The following TIAM1 variants were observed in gnomAD, a reference collection of about 807,000 sequenced individuals.
The protein encoded by TIAM1 is TIAM Rac1 associated GEF 1, also known as rho guanine nucleotide exchange factor TIAM1.
TIAM1 carries 65 observed loss-of-function variants against 163.5 expected under a neutral mutation model. The observed-to-expected ratio is 0.40, with a 90% CI of 0.33 to 0.49. The LOEUF (loss-of-function observed/expected upper bound fraction) is 0.49, where lower values mean the gene tolerates loss of function less well. Among genes scored for constraint, TIAM1 ranks in the 20% least tolerant of loss-of-function variants. TIAM1 has a pLI of 0.77. For synonymous variants in TIAM1, 833 were observed against 810.1 expected (o/e 1.03, Z -0.48); for missense variants, 1,789 against 2,044.7 (o/e 0.87, Z 2.41).
At chr21:31,434,179 C>T (rs1480423622) in intron 2 of TIAM1, among the ~76,000 whole-genome samples, 1 of 152,142 alleles carries the variant, frequency 6.6e-6, no homozygotes, top group Non-Finnish European at 1.5e-5. Flanking sequence ...AGAACTTCTA[C>T]ATCCAGCTAA....
In TIAM1 at chr21:31,124,540, G is replaced by A; in HGVS notation, c.4288C>T (p.Pro1430Ser). The A allele has an allele frequency of 1.9e-6, 3 of 1,613,358 alleles. No individual in the cohort carries two copies. Among genetic ancestry groups the A allele is most frequent in the Non-Finnish European group, 2.5e-6 (3 of 1,179,988 alleles). Residue 1430 changes from proline (P) to serine (S), a missense_variant, in exon 27 of 28, where the codon CCG becomes TCG. Physicochemically the swap from Pro to Ser is moderately conservative, Grantham distance 74. Coordinates refer to ENST00000541036, the MANE Select transcript of TIAM1 (RefSeq NM_001353694.2). ...ACAGTACCTGCCCTGCTCATGGCCG[G>A]CCTGGCCCCCTTCAGTGCACACAAT... ...KRLCALKGAR[P>S]AMSRAVSAPS...
Position 31,152,755 on chromosome 21 carries a change from C to A in TIAM1, c.3247G>T (p.Val1083Leu), listed in dbSNP as rs117921375. 6.2e-6 allele frequency: 10 copies of A among 1,613,964 alleles called. No homozygotes were observed. The South Asian group carries it at 7.7e-5, about 12-fold the overall frequency. ...ETFLTQDELD[V>L]LFGNLTEMVE... ...ATTTCCGTTAAATTTCCAAAAAGCA[C>A]GTCAAGCTAGAAATAAAACAGAATT... is the stretch of plus-strand genomic sequence containing the variant. Residue 1083 changes from valine to leucine, a missense_variant, in exon 19 of 28, where the codon GTG (valine) becomes TTG (leucine). By Grantham distance (32) the Val-to-Leu change is conservative. Around this residue, in one of 5 missense-constraint regions of TIAM1, gnomAD observed 303 missense variants for 321.3 expected, o/e 0.94. Transcript: ENST00000541036.
chr21:31,202,421 T>C (rs1601528665), intron 12 of TIAM1, among the ~76,000 whole-genome samples: 1 of 151,334 alleles, frequency 6.6e-6, no homozygotes, highest in African/African-American at 2.4e-5. Context: ...TAAAAGTTCG[T>C]CAGCCATGGA....
chr21:31,129,072 CT>C (rs1220274832), intron 25 of TIAM1, among the ~76,000 whole-genome samples: 1 of 152,186 alleles, frequency 6.6e-6, no homozygotes, highest in Admixed American at 6.5e-5. Flanking sequence ...ACCACCAAGG[CT>C]TTTCTTTACC....
intron 16 of TIAM1, among the ~76,000 whole-genome samples, chr21:31,164,274 T>C (rs8127338): frequency 0.071 from 10,704 of 151,602 alleles, 1,242 homozygotes; most frequent in African/African-American, 0.24. Context: ...CCTGTAGTCC[T>C]AGCTACTCGG....
chr21:31,366,821 T>C lies in TIAM1; in HGVS notation c.-368-27399A>G, dbSNP rs1337125095. On this transcript the variant is annotated intron_variant, in intron 2 of 28. Coordinates refer to the TIAM1 transcript ENST00000286827. ...TTAACGGAGACGGGGTTTCGCCATG[T>C]TGGCCAGGCTGGTCTTGAACTCTTA... Among the ~76,000 whole-genome samples the C allele has an allele frequency of 2.0e-5, 3 of 152,312 alleles. No homozygotes were observed. In the East Asian group the frequency reaches 5.8e-4, roughly 29 times the overall value.
chr21:31,475,952 A>T (rs1465262659), intron 1 of TIAM1, among the ~76,000 whole-genome samples: 1 of 152,174 alleles, frequency 6.6e-6, no homozygotes, highest in East Asian at 1.9e-4. Context: ...AAATGTCAAA[A>T]ACAATGCCTA....
At chr21:31,241,026 A>C (rs914784308) in intron 6 of TIAM1, among the ~76,000 whole-genome samples, 1 of 152,168 alleles carries the variant, frequency 6.6e-6, no homozygotes, top group Non-Finnish European at 1.5e-5. Flanking sequence ...TGGTTTTATA[A>C]AGGGGAGTTC....
intron 2 of TIAM1, among the ~76,000 whole-genome samples, chr21:31,313,310 G>T (rs1569204701): frequency 6.6e-6 from 1 of 152,118 alleles, no homozygotes; most frequent in Non-Finnish European, 1.5e-5. Flanking sequence ...GGGTGAGGAG[G>T]AGTACACCAG....
chr21:31,257,960 C>T (rs1292237784), intron 4 of TIAM1, among the ~76,000 whole-genome samples: 1 of 150,696 alleles, frequency 6.6e-6, no homozygotes, highest in East Asian at 2.0e-4. Context: ...TGGGCACCCT[C>T]CCACATTGCA....
At chr21:31,127,177 A>C in intron 25 of TIAM1, 25 bp from the exon 26 acceptor site, 1 of 1,604,214 alleles carries the variant, frequency 6.2e-7, no homozygotes, top group Non-Finnish European at 8.5e-7. Context: ...ACAACAATGA[A>C]TCAGGGTATG....
intron 11 of TIAM1, 48 bp downstream of exon 11, chr21:31,209,997 C>T (rs772134550): frequency 3.8e-6 from 6 of 1,575,122 alleles, no homozygotes; most frequent in Non-Finnish European, 4.3e-6. Context: ...AAGATTGCTA[C>T]ACCCCATTCT....
rs555153895 is a variant in TIAM1, at chr21:31,118,589, G to C, written c.*1779C>G. The C allele has an allele frequency of 6.4e-6, 3 of 471,706 alleles. No individual in the cohort carries two copies. Among genetic ancestry groups the C allele is most frequent in the African/African-American group, 4.0e-5 (2 of 50,178 alleles). The allele number at this position is 471,706 out of a possible 1,614,324, so 29.2% of individuals were successfully genotyped here. A position where few individuals can be genotyped will look rare whatever the true frequency, so the allele number is the denominator to read the frequency against. ...ACAATGGCACCCTCTCCAAGCACCA[G>C]ACTTCCGAGTGTTTTCAGATGGATG... On this transcript the variant is annotated 3_prime_UTR_variant, in exon 28 of 28. Transcript: ENST00000541036.
chr21:31,246,453 T>C (rs911491913), intron 5 of TIAM1, among the ~76,000 whole-genome samples: 1 of 152,224 alleles, frequency 6.6e-6, no homozygotes, highest in Non-Finnish European at 1.5e-5. Flanking sequence ...AATTATGAGC[T>C]GAACATTTAC....
At chr21:31,407,746 C>T (rs2077272250) in intron 2 of TIAM1, among the ~76,000 whole-genome samples, 1 of 150,242 alleles carries the variant, frequency 6.7e-6, no homozygotes, top group Admixed American at 6.7e-5. Context: ...CGCAGTTCTC[C>T]TGCCTCAGCC....
At chr21:31,394,324 G>A (rs2077015266) in intron 2 of TIAM1, among the ~76,000 whole-genome samples, 1 of 152,210 alleles carries the variant, frequency 6.6e-6, no homozygotes, top group Admixed American at 6.5e-5. Flanking sequence ...ACAGTAACAA[G>A]AGCAGTGGCT....
intron 1 of TIAM1, among the ~76,000 whole-genome samples, chr21:31,500,475 G>T (rs1218266702): frequency 6.6e-6 from 1 of 152,128 alleles, no homozygotes; most frequent in East Asian, 1.9e-4. Context: ...CTCTGTTAGG[G>T]GTTTAACCGG....
intron 6 of TIAM1, among the ~76,000 whole-genome samples, chr21:31,231,712 T>C (rs2088443638): frequency 6.6e-6 from 1 of 152,050 alleles, no homozygotes; most frequent in African/African-American, 2.4e-5. Flanking sequence ...ATTTAAGCTT[T>C]GCATGATGAA....
At chr21:31,437,591 T>C (rs2044256349) in intron 2 of TIAM1, among the ~76,000 whole-genome samples, 1 of 151,868 alleles carries the variant, frequency 6.6e-6, no homozygotes, top group African/African-American at 2.4e-5. Context: ...TAATCCCCAA[T>C]GTTGGAGAAA....
Sources: allele counts gnomAD v4.1 joint callset (sites outside exome capture counted in the v4.1 genomes callset), GRCh38; gene constraint gnomAD v4.1.1; regional missense constraint gnomAD v4.1.1; transcripts MANE v1.5; gene names NCBI Gene and HGNC (gene_info 2026-07-23, HGNC 2026-07-21).